GALNT16: variants seen among roughly 807,000 people sequenced by gnomAD.
GALNT16 encodes UDP-GalNAc:polypeptide N-acetylgalactosaminyltransferase-like protein 1.
Under a neutral mutation model 76.1 loss-of-function variants are expected in GALNT16, and 40 were observed. The ratio of observed to expected loss-of-function variants is 0.53; its 90% confidence interval spans 0.41 to 0.68. The LOEUF (loss-of-function observed/expected upper bound fraction) is 0.68. GALNT16 is among the 30% of genes least tolerant of loss of function. GALNT16 has a pLI of 0.00. For synonymous variants in GALNT16, 276 were observed against 285.2 expected (o/e 0.97, Z 0.32); for missense variants, 621 against 731.9 (o/e 0.85, Z 1.75).
chr14:69,282,585 G>A (rs756086282), intron 1 of GALNT16, among the ~76,000 whole-genome samples: 85 of 151,990 alleles, frequency 5.6e-4, no homozygotes, highest in African/African-American at 1.6e-3. Context: ...GCCTAAGTGC[G>A]GGCCCTGTAT....
chr14:69,363,621 C>T, the GALNT16 span, among the ~76,000 whole-genome samples: 1 of 152,186 alleles, frequency 6.6e-6, no homozygotes, highest in Non-Finnish European at 1.5e-5. Flanking sequence ...AAGTATTTGT[C>T]CTGCTCACGG....
At chr14:69,380,923 A>G in the GALNT16 span, among the ~76,000 whole-genome samples, 1 of 152,252 alleles carries the variant, frequency 6.6e-6, no homozygotes, top group African/African-American at 2.4e-5. Context: ...GTATGACCAG[A>G]AACCATGTGT....
intron 9 of GALNT16, among the ~76,000 whole-genome samples, chr14:69,337,539 C>T (rs2045429651): frequency 2.6e-5 from 4 of 152,336 alleles, no homozygotes; most frequent in East Asian, 1.9e-4. Context: ...TGCAGATCTT[C>T]GGCCCCCCAG....
intron 7 of GALNT16, among the ~76,000 whole-genome samples, chr14:69,331,913 G>A (rs2045357158): frequency 6.6e-6 from 1 of 152,254 alleles, no homozygotes; most frequent in African/African-American, 2.4e-5. Context: ...ATGGGGAGTA[G>A]GGAGCCCTCA....
At chr14:69,314,862 C>T (rs1034813695) in intron 1 of GALNT16, among the ~76,000 whole-genome samples, 1 of 152,242 alleles carries the variant, frequency 6.6e-6, no homozygotes, top group South Asian at 2.1e-4. Flanking sequence ...TAAAATAGGG[C>T]CAGAGCCTTT....
Position 69,352,760 on chromosome 14 carries a change from G to GC in GALNT16, c.*593dup, listed in dbSNP as rs2140208281. 1 of 152,620 alleles carries GC rather than the reference G, an allele frequency of 6.6e-6. No homozygotes were observed. The highest frequency in any genetic ancestry group is 2.4e-5 in the African/African-American group (1 of 41,554). The allele number at this position is 152,620 out of a possible 1,614,324, so 9.5% of individuals were successfully genotyped here. A position where few individuals can be genotyped will look rare whatever the true frequency, so the allele number is the denominator to read the frequency against. ...TTGGGTGGGGACGGATGGTGTCTTG[G>GC]CAGCAAAGGATGGGTAATTTGCAAA... On this transcript the variant is annotated 3_prime_UTR_variant, in exon 15 of 15. Transcript: ENST00000448469.
intron 11 of GALNT16, among the ~76,000 whole-genome samples, chr14:69,340,229 T>C (rs1247149103): frequency 6.6e-6 from 1 of 152,168 alleles, no homozygotes; most frequent in African/African-American, 2.4e-5. Flanking sequence ...CCTACACATG[T>C]ACAGTTGCCC....
At position 69,266,501 on chromosome 14, in the gene GALNT16, C is replaced by T. The variant is rs79128597; in HGVS notation, c.177+6034C>T. ...CAAAACTTAGCATTGAGCCAACTTTCAGAAAAGGCAAGAGACTTATTTGAA... is the reference window on the plus strand; with the variant it reads ...CAAAACTTAGCATTGAGCCAACTTTTAGAAAAGGCAAGAGACTTATTTGAA... On this transcript the variant is annotated intron_variant, in intron 1 of 14. Coordinates refer to ENST00000448469, the MANE Select transcript of GALNT16 (RefSeq NM_001168368.2). 5.9e-3 allele frequency among the ~76,000 whole-genome samples: 893 copies of T among 152,336 alleles called. 8 individuals carry two copies. The highest frequency in any genetic ancestry group is 0.02 in the African/African-American group (843 of 41,574).
chr14:69,322,848 A>G (rs1191040172), intron 2 of GALNT16, among the ~76,000 whole-genome samples: 1 of 151,876 alleles, frequency 6.6e-6, no homozygotes, highest in South Asian at 2.1e-4. Context: ...CCAAGATCGC[A>G]GTACCGTACT....
intron 1 of GALNT16, among the ~76,000 whole-genome samples, chr14:69,309,366 G>A (rs1038868817): frequency 3.3e-5 from 5 of 150,876 alleles, no homozygotes; most frequent in Non-Finnish European, 5.9e-5. Context: ...GCAGTGGTAC[G>A]ATCATAACTT....
At position 69,339,404 on chromosome 14, in the gene GALNT16, C is replaced by T. The variant is rs536480939; in HGVS notation, c.1095-123C>T. The T allele has an allele frequency of 8.0e-5, 58 of 722,946 alleles. No individual in the cohort carries two copies. In the South Asian group the frequency reaches 8.3e-4, roughly 10 times the overall value. 44.8% of individuals were successfully genotyped at this position (722,946 alleles called of 1,614,324 possible). ...AAGGACCGTGCTAATCTATACCATC[C>T]AAGTATCACCTTGCTCCTGAGATTC... is the stretch of plus-strand genomic sequence containing the variant. On this transcript the variant is annotated intron_variant, in intron 10 of 14. Coordinates refer to ENST00000448469, the MANE Select transcript of GALNT16 (RefSeq NM_001168368.2).
intron 1 of GALNT16, among the ~76,000 whole-genome samples, chr14:69,301,938 G>A (rs773913282): frequency 1.3e-5 from 2 of 152,254 alleles, no homozygotes; most frequent in African/African-American, 2.4e-5. Flanking sequence ...GCAGTGAGCC[G>A]AGATGGCGCC....
chr14:69,275,722 G>A (rs994137142), intron 1 of GALNT16, among the ~76,000 whole-genome samples: 1 of 152,196 alleles, frequency 6.6e-6, no homozygotes, highest in Non-Finnish European at 1.5e-5. Context: ...AGCCAGGCAT[G>A]GTGGCATGCA....
rs1440031069 is a variant in GALNT16, at chr14:69,318,413, G to T, written c.178-2298G>T. Among the ~76,000 whole-genome samples the T allele has an allele frequency of 2.6e-5, 4 of 152,312 alleles. No homozygotes were observed. The South Asian group carries it at 6.2e-4, about 24-fold the overall frequency. The stretch of plus-strand genomic sequence containing the variant: ...GGAAGGCAGCAGGCTGGGGCAGGGG[G>T]AACTATCTCAGAAACCTTACTTCTG... On this transcript the variant is annotated intron_variant, in intron 1 of 14. Coordinates refer to ENST00000448469, the MANE Select transcript of GALNT16 (RefSeq NM_001168368.2).
At chr14:69,386,197 C>T in the GALNT16 span, among the ~76,000 whole-genome samples, 1 of 152,196 alleles carries the variant, frequency 6.6e-6, no homozygotes, top group East Asian at 1.9e-4. Flanking sequence ...TTTGGGGAGA[C>T]AGCATGGTGC....
chr14:69,299,060 G>C (rs2044810115), intron 1 of GALNT16, among the ~76,000 whole-genome samples: 1 of 152,262 alleles, frequency 6.6e-6, no homozygotes, highest in Non-Finnish European at 1.5e-5. Context: ...TCTGTGTGCA[G>C]TTGAGACTGA....
At chr14:69,366,676 C>A in the GALNT16 span, among the ~76,000 whole-genome samples, 8 of 152,212 alleles carry the variant, frequency 5.3e-5, no homozygotes, top group Admixed American at 4.6e-4. Context: ...TCCCTCCCTG[C>A]CTCATACTCC....
At chr14:69,344,650 C>T (rs2045538090) in intron 12 of GALNT16, among the ~76,000 whole-genome samples, 1 of 152,168 alleles carries the variant, frequency 6.6e-6, no homozygotes, top group South Asian at 2.1e-4. Context: ...TGCTCCCAAG[C>T]CTAGGGTTTC....
intron 1 of GALNT16, among the ~76,000 whole-genome samples, chr14:69,272,318 G>A (rs1203099952): frequency 5.9e-5 from 9 of 152,076 alleles, no homozygotes; most frequent in East Asian, 1.9e-4. Flanking sequence ...AGCCAAGATC[G>A]TGCCACTGCA....
Sources: gnomAD v4.1 joint callset for allele counts (sites outside exome capture counted in the v4.1 genomes callset) on GRCh38, gnomAD v4.1.1 for gene constraint, MANE v1.5 for transcripts, NCBI Gene and HGNC (gene_info 2026-07-23, HGNC 2026-07-21) for gene names.